Variants in TRPM6 observed in about 807,000 individuals in gnomAD.
The protein encoded by TRPM6 is transient receptor potential cation channel subfamily M member 6, also known as channel kinase 2.
TRPM6 carries 111 observed loss-of-function variants against 247.6 expected under a neutral mutation model. The observed-to-expected ratio is 0.45, with a 90% confidence interval of 0.38 to 0.52. The LOEUF is 0.52. Among genes scored for constraint, TRPM6 ranks in the 20% least tolerant of loss-of-function variants. TRPM6 has a pLI of 0.00. For synonymous variants in TRPM6, 892 were observed against 853.8 expected, an observed-to-expected ratio of 1.04 and a Z score of -0.78; for missense variants, 2,126 against 2,421.5, an observed-to-expected ratio of 0.88 and a Z score of 2.56.
rs760737695 is a variant in TRPM6 at position 74,747,913 on chromosome 9, G to A, written c.5059C>T (p.Leu1687=). ...RSTNLNRNSL[L]KSSIGVDKIS... The stretch of plus-strand genomic sequence containing the variant: ...CTGTCAACTCCAATTGAACTTTTCA[G>A]CCTGTTTGAAAAAAAAATGAAGTTG... Residue 1687 remains leucine (L), a splice_region_variant and synonymous_variant, in exon 31 of 39, where the codon CTG becomes TTG. Coordinates refer to ENST00000360774, the MANE Select transcript of TRPM6 (RefSeq NM_017662.5). 13 of 1,610,816 alleles carry A rather than the reference G, an allele frequency of 8.1e-6. No individual in the cohort carries two copies. The highest frequency in any genetic ancestry group is 3.3e-4 in the Middle Eastern group (2 of 6,070).
chr9:74,830,325 A>G (rs1354095174), intron 6 of TRPM6, among the ~76,000 whole-genome samples: 2 of 152,142 alleles, frequency 1.3e-5, no homozygotes, highest in Non-Finnish European at 1.5e-5. Context: ...TCAGAACTCA[A>G]TGGGCATCCA....
chr9:74,861,219 A>G (rs1830681691), intron 1 of TRPM6, among the ~76,000 whole-genome samples: 1 of 152,228 alleles, frequency 6.6e-6, no homozygotes, highest in East Asian at 1.9e-4. Flanking sequence ...CTGAATTTCA[A>G]AATACCTGAA....
chr9:74,870,632 G>A (rs1587601739), intron 1 of TRPM6, among the ~76,000 whole-genome samples: 1 of 152,020 alleles, frequency 6.6e-6, no homozygotes, highest in Non-Finnish European at 1.5e-5. Flanking sequence ...TTAGAAATAG[G>A]CACTCCACGG....
At chr9:74,786,936 C>T (rs932887059) in intron 20 of TRPM6, among the ~76,000 whole-genome samples, 14 of 151,588 alleles carry the variant, frequency 9.2e-5, no homozygotes, top group Admixed American at 7.9e-4. Context: ...CAGTGGCTCA[C>T]GCCTGTAATC....
At chr9:74,859,199 C>T (rs1830620857) in intron 1 of TRPM6, among the ~76,000 whole-genome samples, 1 of 152,162 alleles carries the variant, frequency 6.6e-6, no homozygotes, top group Non-Finnish European at 1.5e-5. Context: ...AGAGATGTGA[C>T]TCAGCAAGAT....
At chr9:74,764,782 G>A (rs1284465356) in intron 25 of TRPM6, among the ~76,000 whole-genome samples, 1 of 152,124 alleles carries the variant, frequency 6.6e-6, no homozygotes, top group African/African-American at 2.4e-5. Flanking sequence ...GGAAAACTGT[G>A]TTCTAATAAA....
intron 18 of TRPM6, among the ~76,000 whole-genome samples, chr9:74,793,078 C>G (rs1314573782): frequency 6.6e-6 from 1 of 152,046 alleles, no homozygotes; most frequent in Non-Finnish European, 1.5e-5. Context: ...ATCGCTTGAA[C>G]CCGGGAGGCA....
intron 7 of TRPM6, among the ~76,000 whole-genome samples, chr9:74,822,546 C>T (rs191305868): frequency 1.2e-3 from 178 of 152,186 alleles, no homozygotes; most frequent in African/African-American, 4.1e-3. Context: ...TGAGCCACCA[C>T]ACCTAGACTC....
At chr9:74,860,244 A>G (rs1447699300) in intron 1 of TRPM6, among the ~76,000 whole-genome samples, 1 of 152,204 alleles carries the variant, frequency 6.6e-6, no homozygotes, top group East Asian at 1.9e-4. Flanking sequence ...GCTCAGCAGC[A>G]TTTTCTATGT....
intron 11 of TRPM6, among the ~76,000 whole-genome samples, chr9:74,815,153 C>A (rs1828882567): frequency 6.6e-6 from 1 of 151,648 alleles, no homozygotes; most frequent in African/African-American, 2.4e-5. Context: ...GAATGGAATG[C>A]AATGAAAACA....
chr9:74,754,890 A>G (rs1352514163), intron 28 of TRPM6, among the ~76,000 whole-genome samples: 1 of 152,202 alleles, frequency 6.6e-6, no homozygotes, highest in Non-Finnish European at 1.5e-5. Flanking sequence ...TACAAACACC[A>G]TTATTAAGCT....
At chr9:74,833,476 C>G (rs1378976921) in intron 6 of TRPM6, among the ~76,000 whole-genome samples, 1 of 152,162 alleles carries the variant, frequency 6.6e-6, no homozygotes, top group Non-Finnish European at 1.5e-5. Context: ...TCACTACGGG[C>G]AAACCACTTC....
At chr9:74,887,194 G>C in intron 1 of TRPM6, 1 of 1,230,242 alleles carries the variant, frequency 8.1e-7, no homozygotes, top group Non-Finnish European at 1.0e-6. Flanking sequence ...GCGCCGCGTT[G>C]GGGAAGGAAG....
At chr9:74,821,912 A>G (rs1490223111) in intron 7 of TRPM6, 75 bp from the exon 8 acceptor site, 2 of 1,534,668 alleles carry the variant, frequency 1.3e-6, no homozygotes, top group Non-Finnish European at 1.8e-6. Context: ...TGACTTCCAG[A>G]CACAAGTCTC....
intron 1 of TRPM6, among the ~76,000 whole-genome samples, chr9:74,871,776 C>T (rs1831038394): frequency 6.6e-6 from 1 of 151,840 alleles, no homozygotes; most frequent in African/African-American, 2.4e-5. Context: ...AACTCTTGGG[C>T]TCAAGCAGTC....
At chr9:74,815,986 A>G (rs1009738077) in intron 11 of TRPM6, among the ~76,000 whole-genome samples, 2 of 152,214 alleles carry the variant, frequency 1.3e-5, no homozygotes, top group Non-Finnish European at 2.9e-5. Context: ...TAATGTGAGC[A>G]CCTACTACAT....
intron 36 of TRPM6, chr9:74,737,482 C>T: frequency 7.9e-7 from 1 of 1,263,028 alleles, no homozygotes; most frequent in South Asian, 1.2e-5. Flanking sequence ...AGAAAAAGGC[C>T]CAAGTTGTTT....
At chr9:74,887,120 G>A (rs1289675379) in intron 1 of TRPM6, 1 of 614,214 alleles carries the variant, frequency 1.6e-6, no homozygotes, top group Non-Finnish European at 2.4e-6. Context: ...AGAACTTCCT[G>A]TTGCGCCATA....
intron 1 of TRPM6, among the ~76,000 whole-genome samples, chr9:74,859,379 T>C (rs1047372493): frequency 6.6e-6 from 1 of 152,230 alleles, no homozygotes; most frequent in Non-Finnish European, 1.5e-5. Context: ...CCATAAGCTA[T>C]ATTACAAGTC....
Sources: gnomAD v4.1 joint callset for allele counts (sites outside exome capture counted in the v4.1 genomes callset) on GRCh38, gnomAD v4.1.1 for gene constraint, MANE v1.5 for transcripts, NCBI Gene and HGNC (gene_info 2026-07-23, HGNC 2026-07-21) for gene names.